RBFOX1: variants seen among roughly 807,000 people sequenced by gnomAD.
RBFOX1 encodes RNA binding protein fox-1 homolog 1.
In RBFOX1, 8 loss-of-function variants were observed where a neutral mutation model predicts 57.7. The observed-to-expected ratio is 0.14, with a 90% CI of 0.08 to 0.25. The LOEUF (loss-of-function observed/expected upper bound fraction) is 0.25. Ranked by LOEUF, RBFOX1 falls within the 10% of genes least tolerant of loss-of-function variation. RBFOX1 has a pLI of 1.00. For synonymous variants in RBFOX1, 326 were observed against 222.4 expected (o/e 1.47, Z -4.15); for missense variants, 611 against 548.5 (o/e 1.11, Z -1.14).
intron 13 of RBFOX1, chr16:7,671,628 C>T: frequency 1.3e-6 from 2 of 1,593,668 alleles, no homozygotes; most frequent in Middle Eastern, 1.7e-4. Context: ...TGGAGAAACT[C>T]ATCACTATGA....
chr16:7,236,419 C>T (rs983526706), intron 4 of RBFOX1, among the ~76,000 whole-genome samples: 1 of 152,142 alleles, frequency 6.6e-6, no homozygotes, highest in Admixed American at 6.5e-5. Context: ...ACATGCACAA[C>T]ATCTGGCCTT....
At chr16:7,627,245 G>T (rs1352099548) in intron 10 of RBFOX1, among the ~76,000 whole-genome samples, 1 of 149,770 alleles carries the variant, frequency 6.7e-6, no homozygotes, top group East Asian at 1.9e-4. Context: ...AGCAGGAACA[G>T]CATGAAGGTT....
intron 3 of RBFOX1, among the ~76,000 whole-genome samples, chr16:6,937,819 T>A (rs1223913755): frequency 6.6e-6 from 1 of 151,988 alleles, no homozygotes; most frequent in Non-Finnish European, 1.5e-5. Context: ...TGCAAATGTT[T>A]CTTTTCAGAC....
chr16:7,198,515 G>A (rs950564869), intron 4 of RBFOX1, among the ~76,000 whole-genome samples: 9 of 152,168 alleles, frequency 5.9e-5, no homozygotes, highest in African/African-American at 2.2e-4. Flanking sequence ...TTGTGTTTTT[G>A]TAACAGAATA....
chr16:5,582,642 C>T (rs2046709442), intron 2 of RBFOX1, among the ~76,000 whole-genome samples: 1 of 147,952 alleles, frequency 6.8e-6, no homozygotes, highest in Non-Finnish European at 1.5e-5. Context: ...TGTCTGCCTC[C>T]TGTGTTCAAA....
chr16:6,929,239 C>T (rs562903867), intron 3 of RBFOX1, among the ~76,000 whole-genome samples: 2 of 152,172 alleles, frequency 1.3e-5, no homozygotes, highest in South Asian at 4.1e-4. Flanking sequence ...CCCTTTATGA[C>T]AGAGAAGAAG....
At chr16:5,569,911 A>AATGTCAGTCATATTGCAGAT (rs2046219625) in intron 2 of RBFOX1, among the ~76,000 whole-genome samples, 1 of 152,196 alleles carries the variant, frequency 6.6e-6, no homozygotes, top group African/African-American at 2.4e-5. Context: ...AACAAGACGT[A>AATGTCAGTCATATTGCAGAT]ATGTCAGTCA....
At chr16:5,695,173 C>T (rs958758673) in intron 3 of RBFOX1, among the ~76,000 whole-genome samples, 2 of 152,036 alleles carry the variant, frequency 1.3e-5, no homozygotes, top group Non-Finnish European at 1.5e-5. Context: ...TCAGTTTTTT[C>T]ACTAAGCATT....
chr16:5,578,426 C>G (rs965209630), intron 2 of RBFOX1, among the ~76,000 whole-genome samples: 6 of 152,174 alleles, frequency 3.9e-5, no homozygotes, highest in Non-Finnish European at 7.3e-5. Context: ...CTTATCCTCC[C>G]TGAATCCCAA....
At chr16:6,164,863 G>A (rs895501577) in intron 1 of RBFOX1, among the ~76,000 whole-genome samples, 1 of 152,078 alleles carries the variant, frequency 6.6e-6, no homozygotes, top group Admixed American at 6.6e-5. Flanking sequence ...TCTGCATAAT[G>A]CTAAATACCA....
At chr16:7,679,939 T>A (rs189807123) in intron 14 of RBFOX1, among the ~76,000 whole-genome samples, 4 of 152,286 alleles carry the variant, frequency 2.6e-5, no homozygotes, top group Admixed American at 2.0e-4. Context: ...TAGGAAACAT[T>A]TGGCAAAGCA....
At chr16:5,456,186 C>G (rs767714526) in intron 1 of RBFOX1, among the ~76,000 whole-genome samples, 27 of 152,152 alleles carry the variant, frequency 1.8e-4, no homozygotes, top group Non-Finnish European at 3.5e-4. Context: ...AAGCCCATTT[C>G]TCCATGCCAC....
intron 3 of RBFOX1, among the ~76,000 whole-genome samples, chr16:6,935,425 T>C (rs1237020600): frequency 1.3e-5 from 2 of 152,120 alleles, no homozygotes; most frequent in African/African-American, 2.4e-5. Context: ...AAAAAGGAAA[T>C]CTTTTTCTCT....
intron 1 of RBFOX1, among the ~76,000 whole-genome samples, chr16:6,137,077 A>G (rs887246945): frequency 1.6e-4 from 24 of 152,280 alleles, no homozygotes; most frequent in Admixed American, 2.6e-4. Context: ...CTAATCTATC[A>G]TATTTCCTCT....
At chr16:7,323,836 C>T (rs973546547) in intron 4 of RBFOX1, among the ~76,000 whole-genome samples, 2 of 152,304 alleles carry the variant, frequency 1.3e-5, no homozygotes, top group East Asian at 1.9e-4. Flanking sequence ...AAGCCAAAAG[C>T]CTAGCACAGG....
chr16:6,700,237 C>T (rs1603442613), intron 3 of RBFOX1, among the ~76,000 whole-genome samples: 1 of 152,092 alleles, frequency 6.6e-6, no homozygotes, highest in East Asian at 1.9e-4. Context: ...CTGTCCTTTC[C>T]TGATCTCAGG....
At chr16:5,824,731 G>C (rs1005953427) in intron 3 of RBFOX1, among the ~76,000 whole-genome samples, 11 of 152,352 alleles carry the variant, frequency 7.2e-5, no homozygotes, top group African/African-American at 2.6e-4. Context: ...TGCAGGCTCA[G>C]ACGTTGCTTT....
At chr16:7,239,042 T>C (rs996066501) in intron 4 of RBFOX1, among the ~76,000 whole-genome samples, 3 of 152,236 alleles carry the variant, frequency 2.0e-5, no homozygotes, top group African/African-American at 7.2e-5. Context: ...CAGTCTATCA[T>C]TGATGGGCAT....
At chr16:7,259,644 C>T (rs1053653366) in intron 4 of RBFOX1, among the ~76,000 whole-genome samples, 1 of 151,986 alleles carries the variant, frequency 6.6e-6, no homozygotes, top group Middle Eastern at 3.4e-3. Context: ...AATAAACAAG[C>T]CTATAGCTTT....
Sources: allele counts gnomAD v4.1 joint callset (sites outside exome capture counted in the v4.1 genomes callset), GRCh38; gene constraint gnomAD v4.1.1; transcripts MANE v1.5; gene names NCBI Gene and HGNC (gene_info 2026-07-23, HGNC 2026-07-21).